The following PDE10A variants were observed in gnomAD, a reference collection of about 807,000 sequenced individuals.
The protein encoded by PDE10A is cAMP and cAMP-inhibited cGMP 3',5'-cyclic phosphodiesterase 10A.
Under a neutral mutation model 97.7 loss-of-function variants are expected in PDE10A, and 39 were observed. That is an observed-to-expected ratio of 0.40 (90% CI 0.31 to 0.52). The LOEUF is 0.52. Ranked by LOEUF, PDE10A falls within the 20% of genes least tolerant of loss-of-function variation. PDE10A has a pLI of 0.56. For missense variants in PDE10A, 731 were observed against 1,047.8 expected (o/e 0.70, Z 4.17); for synonymous variants, 371 against 376.8 (o/e 0.98, Z 0.18).
At chr6:165,815,812 C>T (rs976226550) in intron 1 of PDE10A, among the ~76,000 whole-genome samples, 9 of 152,120 alleles carry the variant, frequency 5.9e-5, no homozygotes, top group Non-Finnish European at 8.8e-5. Flanking sequence ...ATTCTGGTCC[C>T]TTTTGTGCTG....
In PDE10A at chr6:165,450,353, T is replaced by C; in HGVS notation, c.1033A>G (p.Thr345Ala). ...TCATATACAACTCCCTGCATATTCG[T>C]ATCTTGGTACTTTGGATTAAAAATA... ...APKEVSRYQDTNMQGVVYELN... is the reference protein window; with the variant it reads ...APKEVSRYQDANMQGVVYELN... Residue 345 changes from threonine (T) to alanine (A), a missense_variant, in exon 4 of 22, where the codon ACG becomes GCG. Thr to Ala is a moderately conservative substitution (Grantham distance 58). Around this residue, in one of 8 missense-constraint regions of PDE10A, gnomAD observed 181 missense variants for 159.1 expected, o/e 1.14. Transcript: ENST00000539869. The C allele has an allele frequency of 1.3e-6, 2 of 1,535,866 alleles. No homozygotes were observed. Among genetic ancestry groups the C allele is most frequent in the South Asian group, 2.4e-5 (2 of 81,672 alleles).
chr6:165,430,154 G>A (rs370271354), intron 9 of PDE10A, 133 bp downstream of exon 9: 60 of 629,832 alleles, frequency 9.5e-5, no homozygotes, highest in African/African-American at 3.3e-4. Flanking sequence ...ATGATTAACC[G>A]TTCCCAGACT....
chr6:165,413,610 C>G lies in PDE10A; in HGVS notation c.1967G>C (p.Gly656Ala). The G allele has an allele frequency of 6.2e-7, 1 of 1,614,164 alleles. No individual in the cohort carries two copies. The highest frequency in any genetic ancestry group is 8.5e-7 in the Non-Finnish European group (1 of 1,180,002). ...MPIVSRGSVIGVVQMVNKISG... is the reference protein window; with the variant it reads ...MPIVSRGSVIAVVQMVNKISG... ...GATTTTGTTGACCATCTGCACCACA[C>G]CTATCACGCTGCCTCGGCTGACGAT... The change falls in exon 13 of 22, where the codon GGT becomes GCT. Residue 656 changes from glycine (G) to alanine (A), a missense_variant. Physicochemically the swap from Gly to Ala is moderately conservative, Grantham distance 60. Around this residue, in one of 8 missense-constraint regions of PDE10A, gnomAD observed 108 missense variants for 199.8 expected, o/e 0.54. Transcript: ENST00000539869.
chr6:165,915,573 G>A (rs954374030), intron 1 of PDE10A, among the ~76,000 whole-genome samples: 2 of 152,058 alleles, frequency 1.3e-5, no homozygotes, highest in African/African-American at 4.8e-5. Flanking sequence ...AGTGGAGCTG[G>A]GTCTCTTCAT....
chr6:165,727,009 TG>T (rs1443240575), intron 1 of PDE10A, among the ~76,000 whole-genome samples: 1 of 152,118 alleles, frequency 6.6e-6, no homozygotes, highest in Non-Finnish European at 1.5e-5. Context: ...CCTCCTCGCG[TG>T]GGGGGTTCCC....
At chr6:165,974,211 T>A (rs193186590) in intron 1 of PDE10A, among the ~76,000 whole-genome samples, 2 of 152,362 alleles carry the variant, frequency 1.3e-5, no homozygotes, top group East Asian at 3.9e-4. Context: ...CTTTCACAAA[T>A]GTATGTCTCT....
intron 12 of PDE10A, among the ~76,000 whole-genome samples, chr6:165,414,276 T>A: frequency 6.6e-6 from 1 of 152,178 alleles, no homozygotes; most frequent in Non-Finnish European, 1.5e-5. Context: ...GACAAGGACA[T>A]TAGTGCTTAT....
chr6:165,646,690 G>A (rs2983524), intron 1 of PDE10A, among the ~76,000 whole-genome samples: 35,449 of 152,054 alleles, frequency 0.23, 4,274 homozygotes, highest in Middle Eastern at 0.35. Context: ...CAGCGGCATC[G>A]CCACCCACCT....
intron 1 of PDE10A, among the ~76,000 whole-genome samples, chr6:165,767,715 T>C (rs142994427): frequency 6.6e-6 from 1 of 152,234 alleles, no homozygotes; most frequent in African/African-American, 2.4e-5. Flanking sequence ...TTTTCCACTG[T>C]GGACTATTAT....
At chr6:165,875,330 A>C (rs1045205485) in intron 1 of PDE10A, among the ~76,000 whole-genome samples, 3 of 152,198 alleles carry the variant, frequency 2.0e-5, no homozygotes, top group African/African-American at 4.8e-5. Context: ...AAACTCATGG[A>C]AATGCCACCT....
intron 1 of PDE10A, among the ~76,000 whole-genome samples, chr6:165,805,974 C>T (rs183171169): frequency 4.0e-4 from 56 of 141,726 alleles, no homozygotes; most frequent in Non-Finnish European, 6.8e-4. Context: ...AATGAGAAAG[C>T]GCCTGCTTCC....
intron 1 of PDE10A, among the ~76,000 whole-genome samples, chr6:165,657,434 C>T (rs1211050281): frequency 1.3e-5 from 2 of 152,212 alleles, no homozygotes; most frequent in African/African-American, 4.8e-5. Flanking sequence ...ATTCGTTTTA[C>T]ATGAAAATTA....
chr6:165,614,916 A>G (rs1457141133), intron 1 of PDE10A, among the ~76,000 whole-genome samples: 2 of 152,088 alleles, frequency 1.3e-5, no homozygotes, highest in East Asian at 3.9e-4. Flanking sequence ...ATTTATAGAA[A>G]TACATGTAAA....
chr6:165,791,638 G>A (rs753703988), intron 1 of PDE10A, among the ~76,000 whole-genome samples: 7 of 152,144 alleles, frequency 4.6e-5, no homozygotes, highest in Non-Finnish European at 7.3e-5. Context: ...GACACGGCTC[G>A]TTTCTAGGGA....
chr6:165,683,211 C>T (rs570135432), intron 1 of PDE10A, among the ~76,000 whole-genome samples: 16 of 152,266 alleles, frequency 1.1e-4, no homozygotes, highest in African/African-American at 3.9e-4. Context: ...GTGCAGCGCT[C>T]TCCAGTGAGG....
chr6:165,854,075 G>A (rs1780645525), intron 1 of PDE10A, among the ~76,000 whole-genome samples: 1 of 152,222 alleles, frequency 6.6e-6, no homozygotes, highest in Admixed American at 6.5e-5. Flanking sequence ...ACAGACGCGC[G>A]GGGTCCTAGG....
At chr6:165,552,582 G>A (rs1047773634) in intron 1 of PDE10A, among the ~76,000 whole-genome samples, 1 of 152,170 alleles carries the variant, frequency 6.6e-6, no homozygotes, top group South Asian at 2.1e-4. Flanking sequence ...TGCTTCCCTG[G>A]TAGGTAACAC....
chr6:165,539,170 G>GA (rs961978095), intron 2 of PDE10A, among the ~76,000 whole-genome samples: 3 of 151,934 alleles, frequency 2.0e-5, no homozygotes, highest in African/African-American at 7.3e-5. Flanking sequence ...ATATATCACT[G>GA]AAAAAATGGT....
intron 1 of PDE10A, chr6:165,894,313 A>T (rs940930334): frequency 2.2e-6 from 1 of 455,942 alleles, no homozygotes. Context: ...GCAGATGACA[A>T]ATTTATGAGA....
Sources: allele counts gnomAD v4.1 joint callset (sites outside exome capture counted in the v4.1 genomes callset), GRCh38; gene constraint gnomAD v4.1.1; regional missense constraint gnomAD v4.1.1; transcripts MANE v1.5; gene names NCBI Gene and HGNC (gene_info 2026-07-23, HGNC 2026-07-21).